DPF3: variants seen among roughly 807,000 people sequenced by gnomAD.
DPF3 encodes the protein zinc finger protein DPF3.
In DPF3, 18 loss-of-function variants were observed where a neutral mutation model predicts 56.8. That is an observed-to-expected ratio of 0.32 (90% CI 0.22 to 0.47). The LOEUF (loss-of-function observed/expected upper bound fraction) is 0.47, where lower values mean the gene tolerates loss of function less well. Among genes scored for constraint, DPF3 ranks in the 20% least tolerant of loss-of-function variants. The pLI, the probability that DPF3 is intolerant of heterozygous loss-of-function variation, is 1.00. For missense variants in DPF3, 403 were observed against 488.8 expected (o/e 0.82, Z 1.65); for synonymous variants, 188 against 180.2 (o/e 1.04, Z -0.35).
At chr14:72,664,772 T>G (rs1052134437) in intron 8 of DPF3, among the ~76,000 whole-genome samples, 8 of 152,186 alleles carry the variant, frequency 5.3e-5, no homozygotes, top group African/African-American at 1.9e-4. Flanking sequence ...AACTGCTCAG[T>G]TCTCAGTTTA....
chr14:72,794,396 T>C (rs1162457670), intron 1 of DPF3, among the ~76,000 whole-genome samples: 1 of 152,048 alleles, frequency 6.6e-6, no homozygotes, highest in East Asian at 1.9e-4. Context: ...GCAGAATGCA[T>C]GAAAAAATAA....
intron 8 of DPF3, chr14:72,662,914 AG>A (rs1886275645): frequency 1.2e-6 from 1 of 814,532 alleles, no homozygotes. Flanking sequence ...ATGAAAATTA[AG>A]GGGTGACAGA....
chr14:72,667,154 C>T (rs2153569921), intron 8 of DPF3, among the ~76,000 whole-genome samples: 1 of 152,200 alleles, frequency 6.6e-6, no homozygotes, highest in East Asian at 1.9e-4. Context: ...ATTCTTCTCT[C>T]TAAAATACCG....
At chr14:72,719,216 C>T (rs894430798) in intron 5 of DPF3, among the ~76,000 whole-genome samples, 10 of 151,720 alleles carry the variant, frequency 6.6e-5, no homozygotes, top group African/African-American at 2.4e-4. Flanking sequence ...ACCAGAGGTG[C>T]ACACCGCTCT....
At chr14:72,739,964 T>A (rs768871431) in intron 3 of DPF3, among the ~76,000 whole-genome samples, 2 of 151,976 alleles carry the variant, frequency 1.3e-5, no homozygotes, top group Non-Finnish European at 2.9e-5. Flanking sequence ...ATCAGTGCTT[T>A]GGAGGAAAAA....
chr14:72,884,971 T>TATATATATATATATATATATATATATATG (rs10523148), intron 1 of DPF3, among the ~76,000 whole-genome samples: 1 of 111,686 alleles, frequency 9.0e-6, no homozygotes, highest in East Asian at 3.0e-4. Flanking sequence ...TATATATATA[T>TATATATATATATATATATATATATATATG]TAGCCGGGCG....
intron 1 of DPF3, among the ~76,000 whole-genome samples, chr14:72,821,133 CAAAAAAAA>C (rs976081670): frequency 3.4e-5 from 4 of 116,900 alleles, no homozygotes; most frequent in African/African-American, 6.8e-5. Flanking sequence ...AACTCTATCT[CAAAAAAAA>C]AAAAAAAAAA....
chr14:72,729,507 T>C (rs989909018), intron 4 of DPF3, among the ~76,000 whole-genome samples: 2 of 152,214 alleles, frequency 1.3e-5, no homozygotes, highest in African/African-American at 2.4e-5. Context: ...TAGCGGGTTC[T>C]GAGCACAGAA....
At position 72,693,108 on chromosome 14, in the gene DPF3, G is replaced by A. The variant is rs1261327739; in HGVS notation, c.710C>T (p.Ser237Phe). Residue 237 changes from serine to phenylalanine, a missense_variant, in exon 7 of 11, where the codon TCC (serine) becomes TTC (phenylalanine). Physicochemically the swap from Ser to Phe is radical, Grantham distance 155. Around this residue, in one of 2 missense-constraint regions of DPF3, gnomAD observed 340 missense variants for 374.3 expected, o/e 0.91. Transcript: ENST00000556509. Reference sequence around the variant, plus strand: ...GTTCTCATTTCTGTGGTTGGGTGGGGACCGAGTCTCCTGGTCTTGAGCTTC... The same window carrying A: ...GTTCTCATTTCTGTGGTTGGGTGGGAACCGAGTCTCCTGGTCTTGAGCTTC... ...GDEAQDQETRSPPNHRNENHR... is the reference protein window; with the variant it reads ...GDEAQDQETRFPPNHRNENHR... The A allele has an allele frequency of 1.2e-6, 2 of 1,613,906 alleles. No homozygotes were observed. Among genetic ancestry groups the A allele is most frequent in the Non-Finnish European group, 1.7e-6 (2 of 1,179,902 alleles).
At chr14:72,755,092 C>A (rs745960444) in intron 2 of DPF3, among the ~76,000 whole-genome samples, 1 of 152,254 alleles carries the variant, frequency 6.6e-6, no homozygotes, top group African/African-American at 2.4e-5. Flanking sequence ...CCTGCACCCC[C>A]TCTCCCACCA....
chr14:72,860,711 G>A lies in DPF3; in HGVS notation c.32+33346C>T, dbSNP rs558788937. On this transcript the variant is annotated intron_variant, in intron 1 of 10. Coordinates refer to ENST00000556509, the MANE Select transcript of DPF3 (RefSeq NM_001280542.3). Reference sequence around the variant, plus strand: ...CTCCCGAGTAGCTGAGATTACAGGCGTGCACCACCATGCACAGCTAATTTT... The same window carrying A: ...CTCCCGAGTAGCTGAGATTACAGGCATGCACCACCATGCACAGCTAATTTT... 2.3e-3 allele frequency among the ~76,000 whole-genome samples: 354 copies of A among 151,920 alleles called. 3 individuals are homozygous for A. The highest frequency in any genetic ancestry group is 7.9e-3 in the African/African-American group (329 of 41,450).
chr14:72,870,215 C>G (rs537052130), intron 1 of DPF3, among the ~76,000 whole-genome samples: 76 of 152,308 alleles, frequency 5.0e-4, no homozygotes, highest in African/African-American at 1.7e-3. Context: ...CACAGATGAG[C>G]AAGGTGCCTG....
intron 1 of DPF3, among the ~76,000 whole-genome samples, chr14:72,875,199 G>A (rs2080252): frequency 6.6e-6 from 1 of 151,972 alleles, no homozygotes; most frequent in Non-Finnish European, 1.5e-5. Context: ...GGAGATCAAT[G>A]CAAGTTGAGA....
intron 1 of DPF3, among the ~76,000 whole-genome samples, chr14:72,831,486 G>A (rs1884057435): frequency 6.6e-6 from 1 of 152,226 alleles, no homozygotes; most frequent in African/African-American, 2.4e-5. Context: ...CCAAAGGGCT[G>A]GGTTTTTCTG....
intron 3 of DPF3, among the ~76,000 whole-genome samples, chr14:72,739,655 A>C (rs1890047396): frequency 6.6e-6 from 1 of 152,208 alleles, no homozygotes; most frequent in Admixed American, 6.5e-5. Context: ...GGAAGAGGCC[A>C]AGAATGAGAC....
chr14:72,748,412 T>C (rs1890416645), intron 3 of DPF3, among the ~76,000 whole-genome samples: 1 of 151,772 alleles, frequency 6.6e-6, no homozygotes, highest in South Asian at 2.1e-4. Flanking sequence ...TTAAAGGCAT[T>C]CAGTTTTATA....
intron 1 of DPF3, among the ~76,000 whole-genome samples, chr14:72,866,332 C>T (rs1885664737): frequency 7.2e-6 from 1 of 138,680 alleles, no homozygotes; most frequent in African/African-American, 2.5e-5. Flanking sequence ...AGTAACTCCC[C>T]AGCACCTGCA....
rs115510299 is a variant in DPF3, at chr14:72,881,268, G to C, written c.32+12789C>G. Among the ~76,000 whole-genome samples, 601 of 152,306 alleles carry C rather than the reference G, an allele frequency of 3.9e-3. 9 individuals are homozygous for C. The highest frequency in any genetic ancestry group is 0.014 in the African/African-American group (574 of 41,548). ...CTTACAGAGGCATGAAAGAGGCAAA[G>C]AGATCTCATTCTCTAAAATTCAGAG... On this transcript the variant is annotated intron_variant, in intron 1 of 10. Transcript: ENST00000556509.
intron 8 of DPF3, among the ~76,000 whole-genome samples, chr14:72,645,451 G>T (rs1311846174): frequency 6.6e-6 from 1 of 152,020 alleles, no homozygotes; most frequent in Non-Finnish European, 1.5e-5. Context: ...TCCCCCAGTA[G>T]CTGGGACTAC....
Sources: allele counts gnomAD v4.1 joint callset (sites outside exome capture counted in the v4.1 genomes callset), GRCh38; gene constraint gnomAD v4.1.1; regional missense constraint gnomAD v4.1.1; transcripts MANE v1.5; gene names NCBI Gene and HGNC (gene_info 2026-07-23, HGNC 2026-07-21).